The following NFKB1 variants were observed in gnomAD, a reference collection of about 807,000 sequenced individuals.
NFKB1 encodes the protein nuclear factor kappa B subunit 1.
A neutral mutation model predicts 105.1 loss-of-function variants in NFKB1; 9 were observed. The ratio of observed to expected loss-of-function variants is 0.09; its 90% CI spans 0.05 to 0.15. The LOEUF is 0.15. Among genes scored for constraint, NFKB1 ranks in the 10% least tolerant of loss-of-function variants. NFKB1 has a pLI of 1.00. For synonymous variants in NFKB1, 440 were observed against 442.2 expected, an observed-to-expected ratio of 1.00 and a Z score of 0.06; for missense variants, 830 against 1,203.7, an observed-to-expected ratio of 0.69 and a Z score of 4.59.
At chr4:102,609,283 A>G (rs1217326194) in intron 19 of NFKB1, among the ~76,000 whole-genome samples, 1 of 152,142 alleles carries the variant, frequency 6.6e-6, no homozygotes, top group Non-Finnish European at 1.5e-5. Context: ...AGAAACTCAG[A>G]TGAAAAACCA....
intron 1 of NFKB1, among the ~76,000 whole-genome samples, chr4:102,505,295 A>G (rs1422513625): frequency 6.6e-6 from 1 of 152,254 alleles, no homozygotes; most frequent in Non-Finnish European, 1.5e-5. Context: ...CAGAAGATAG[A>G]TTATGGATGA....
intron 2 of NFKB1, among the ~76,000 whole-genome samples, chr4:102,526,842 A>G (rs1163370979): frequency 6.6e-6 from 1 of 152,146 alleles, no homozygotes; most frequent in Non-Finnish European, 1.5e-5. Flanking sequence ...GGAAAAAATA[A>G]ATAGAAATGT....
chr4:102,513,069 T>C (rs749259553), intron 1 of NFKB1, among the ~76,000 whole-genome samples: 2 of 152,222 alleles, frequency 1.3e-5, no homozygotes, highest in Non-Finnish European at 2.9e-5. Context: ...GCAGAGGCTA[T>C]ATATCAAAAT....
intron 5 of NFKB1, chr4:102,557,218 G>C (rs1025832525): frequency 1.3e-5 from 2 of 152,174 alleles, no homozygotes; most frequent in Admixed American, 6.5e-5. Context: ...TAGGAAGAGA[G>C]AAATAAGAAT....
At chr4:102,584,091 A>G (rs1366386898) in intron 10 of NFKB1, among the ~76,000 whole-genome samples, 1 of 152,142 alleles carries the variant, frequency 6.6e-6, no homozygotes, top group Admixed American at 6.5e-5. Flanking sequence ...ATGGATGGGG[A>G]ACAAGAATGT....
At chr4:102,546,632 C>T (rs1414948854) in intron 5 of NFKB1, among the ~76,000 whole-genome samples, 1 of 152,108 alleles carries the variant, frequency 6.6e-6, no homozygotes, top group Non-Finnish European at 1.5e-5. Flanking sequence ...GCCACAGCTG[C>T]CCTGGAAATA....
chr4:102,518,833 T>A lies in NFKB1; in HGVS notation c.-7-6679T>A, dbSNP rs1004835194. ...GACTGCCTGTCTGTGCTCCACATGG[T>A]CTTTGATTTTCCAGTGGCTGGTGCA... On this transcript the variant is annotated intron_variant, in intron 1 of 23. Transcript: ENST00000226574. Among the ~76,000 whole-genome samples the A allele has an allele frequency of 6.6e-5, 10 of 152,160 alleles. No individual in the cohort carries two copies. The East Asian group carries it at 1.9e-3, about 29-fold the overall frequency.
At chr4:102,542,341 T>C (rs562638049) in intron 5 of NFKB1, among the ~76,000 whole-genome samples, 91 of 152,328 alleles carry the variant, frequency 6.0e-4, no homozygotes, top group African/African-American at 1.9e-3. Context: ...CTTTCTGATA[T>C]CTTGCTGTGC....
intron 5 of NFKB1, among the ~76,000 whole-genome samples, chr4:102,560,102 C>T (rs1723289611): frequency 1.3e-5 from 2 of 152,150 alleles, no homozygotes; most frequent in Admixed American, 6.5e-5. Flanking sequence ...TACAAACTCT[C>T]TGCTCCTCCC....
chr4:102,521,549 G>A (rs1379548641), intron 1 of NFKB1, among the ~76,000 whole-genome samples: 1 of 152,068 alleles, frequency 6.6e-6, no homozygotes, highest in Non-Finnish European at 1.5e-5. Flanking sequence ...AGTTCGAAAA[G>A]GTTTTATTTT....
At chr4:102,565,312 G>A (rs770809030) in intron 5 of NFKB1, among the ~76,000 whole-genome samples, 2 of 152,172 alleles carry the variant, frequency 1.3e-5, no homozygotes, top group Non-Finnish European at 2.9e-5. Flanking sequence ...TTCTAGCCAA[G>A]TGCATGCATA....
intron 4 of NFKB1, 161 bp from the exon 5 acceptor site, chr4:102,537,697 C>A: frequency 4.0e-6 from 2 of 505,902 alleles, no homozygotes; most frequent in South Asian, 2.7e-5. Context: ...AGTAAGATTA[C>A]GGGAAAAGTG....
intron 5 of NFKB1, among the ~76,000 whole-genome samples, chr4:102,540,184 A>G (rs761915906): frequency 6.6e-6 from 1 of 152,144 alleles, no homozygotes; most frequent in Non-Finnish European, 1.5e-5. Flanking sequence ...AAATTATGGT[A>G]TTTTGTTTAC....
intron 3 of NFKB1, among the ~76,000 whole-genome samples, chr4:102,530,198 C>T (rs965165089): frequency 6.6e-5 from 10 of 152,174 alleles, no homozygotes; most frequent in Admixed American, 2.6e-4. Context: ...CTCTGTATTC[C>T]TTTTAAGTCC....
At chr4:102,596,621 G>A (rs1726639027) in intron 14 of NFKB1, among the ~76,000 whole-genome samples, 1 of 151,740 alleles carries the variant, frequency 6.6e-6, no homozygotes, top group African/African-American at 2.4e-5. Context: ...CTTCTTTTCT[G>A]GCACAGATAA....
chr4:102,504,110 G>A (rs1739269537), intron 1 of NFKB1, among the ~76,000 whole-genome samples: 1 of 152,168 alleles, frequency 6.6e-6, no homozygotes, highest in African/African-American at 2.4e-5. Context: ...CAATTGGTTT[G>A]AACTTGGGAG....
At chr4:102,551,320 A>G (rs1444123143) in intron 5 of NFKB1, among the ~76,000 whole-genome samples, 1 of 150,434 alleles carries the variant, frequency 6.6e-6, no homozygotes, top group Non-Finnish European at 1.5e-5. Flanking sequence ...TGCTGGAGGA[A>G]TCCCTCTTCA....
chr4:102,575,563 C>A (rs538439768), intron 6 of NFKB1, among the ~76,000 whole-genome samples: 2 of 152,106 alleles, frequency 1.3e-5, no homozygotes, highest in Non-Finnish European at 2.9e-5. Flanking sequence ...ACCTCCTTGC[C>A]TTTGTTGTGT....
At chr4:102,611,622 GTT>G (rs1452421474) in intron 20 of NFKB1, among the ~76,000 whole-genome samples, 1 of 152,222 alleles carries the variant, frequency 6.6e-6, no homozygotes. Context: ...ATTTGAGCAA[GTT>G]TATACAATTC....
Sources: gnomAD v4.1 joint callset for allele counts (sites outside exome capture counted in the v4.1 genomes callset) on GRCh38, gnomAD v4.1.1 for gene constraint, MANE v1.5 for transcripts, NCBI Gene and HGNC (gene_info 2026-07-23, HGNC 2026-07-21) for gene names.